The following SEMA3A variants were observed in gnomAD, a reference collection of about 807,000 sequenced individuals.
The protein encoded by SEMA3A is semaphorin-3A.
A neutral mutation model predicts 97.9 loss-of-function variants in SEMA3A; 29 were observed. That is an observed-to-expected ratio of 0.30 (90% CI 0.22 to 0.40). The LOEUF (loss-of-function observed/expected upper bound fraction) is 0.40. Among genes scored for constraint, SEMA3A ranks in the 10% least tolerant of loss-of-function variants. The pLI, the probability that SEMA3A is intolerant of heterozygous loss-of-function variation, is 1.00. For synonymous variants in SEMA3A, 321 were observed against 323.7 expected, an observed-to-expected ratio of 0.99 and a Z score of 0.09; for missense variants, 763 against 951.3, an observed-to-expected ratio of 0.80 and a Z score of 2.60.
Position 83,980,369 on chromosome 7 carries a change from G to A in SEMA3A, c.1652+952C>T, listed in dbSNP as rs570971264. On this transcript the variant is annotated intron_variant, in intron 14 of 16. Transcript: ENST00000265362. The stretch of plus-strand genomic sequence containing the variant: ...TGTAATCCCTGTAATCCCTCTCAAA[G>A]GCCAAGGCATGAGGATCACGAGGTT... Among the ~76,000 whole-genome samples, 5 of 151,812 alleles carry A rather than the reference G, an allele frequency of 3.3e-5. No homozygotes were observed. The East Asian group carries it at 9.7e-4, about 29-fold the overall frequency.
intron 15 of SEMA3A, among the ~76,000 whole-genome samples, chr7:83,976,880 G>T (rs903535656): frequency 6.6e-6 from 1 of 151,956 alleles, no homozygotes; most frequent in African/African-American, 2.4e-5. Flanking sequence ...ATATAAGAAA[G>T]TTGAGCTTTA....
intron 1 of SEMA3A, among the ~76,000 whole-genome samples, chr7:84,381,741 A>G (rs1251383064): frequency 6.6e-6 from 1 of 152,158 alleles, no homozygotes; most frequent in Non-Finnish European, 1.5e-5. Context: ...ATCTTGATAG[A>G]AGAGACTAAG....
intron 3 of SEMA3A, among the ~76,000 whole-genome samples, chr7:84,220,281 T>A (rs1410619438): frequency 2.6e-5 from 4 of 152,210 alleles, no homozygotes; most frequent in Admixed American, 1.3e-4. Flanking sequence ...GCTACATTTT[T>A]AATTCCAGTT....
intron 2 of SEMA3A, among the ~76,000 whole-genome samples, chr7:84,350,450 A>C (rs550825897): frequency 2.6e-5 from 4 of 152,242 alleles, no homozygotes; most frequent in Admixed American, 1.3e-4. Flanking sequence ...TAATAAGTTC[A>C]TTTTTATTAA....
intron 4 of SEMA3A, among the ~76,000 whole-genome samples, chr7:84,077,112 G>A (rs1260326309): frequency 1.3e-5 from 2 of 152,112 alleles, no homozygotes; most frequent in African/African-American, 4.8e-5. Context: ...TGGCTAGAAT[G>A]AGAAAGTCCA....
chr7:84,359,542 A>T (rs1802656909), intron 2 of SEMA3A, among the ~76,000 whole-genome samples: 1 of 152,160 alleles, frequency 6.6e-6, no homozygotes, highest in South Asian at 2.1e-4. Context: ...TCGGTTTGCC[A>T]GTATTTTATT....
chr7:84,106,528 T>C (rs1467485334), intron 4 of SEMA3A, among the ~76,000 whole-genome samples: 1 of 152,190 alleles, frequency 6.6e-6, no homozygotes, highest in Non-Finnish European at 1.5e-5. Flanking sequence ...AAACAACGCA[T>C]GACTGTATTG....
At position 84,289,557 on chromosome 7, in the gene SEMA3A, G is replaced by A. The variant is rs372386710; in HGVS notation, c.-83+17650C>T. Among the ~76,000 whole-genome samples, 188 of 152,034 alleles carry A rather than the reference G, an allele frequency of 1.2e-3. 5 individuals carry two copies. In the South Asian group the frequency reaches 0.038, roughly 31 times the overall value. On this transcript the variant is annotated intron_variant, in intron 3 of 3. Transcript: ENST00000424555. Reference sequence around the variant, plus strand: ...TGCACAAACACAAAATAAATGCAATGAAAACCACAATGAGAAACTACTTCA... The same window carrying A: ...TGCACAAACACAAAATAAATGCAATAAAAACCACAATGAGAAACTACTTCA...
chr7:84,213,437 C>T (rs895077536), intron 3 of SEMA3A, among the ~76,000 whole-genome samples: 1 of 152,156 alleles, frequency 6.6e-6, no homozygotes, highest in Non-Finnish European at 1.5e-5. Flanking sequence ...TACAACCACA[C>T]TCAGCTAATT....
At chr7:84,124,097 CTGGTTTACTG>C (rs1795716479) in intron 3 of SEMA3A, among the ~76,000 whole-genome samples, 2 of 152,218 alleles carry the variant, frequency 1.3e-5, no homozygotes, top group Admixed American at 1.3e-4. Context: ...GTCCTGGTTT[CTGGTTTACTG>C]TGTTGTCATA....
At chr7:84,082,434 T>C (rs1411850373) in intron 4 of SEMA3A, among the ~76,000 whole-genome samples, 1 of 152,092 alleles carries the variant, frequency 6.6e-6, no homozygotes, top group Non-Finnish European at 1.5e-5. Flanking sequence ...ATTTGATACA[T>C]TGTGAAGTCG....
chr7:84,319,432 C>G (rs1319055866), intron 2 of SEMA3A, among the ~76,000 whole-genome samples: 2 of 151,882 alleles, frequency 1.3e-5, no homozygotes, highest in Non-Finnish European at 2.9e-5. Context: ...TAGATTATAT[C>G]CAGGATTTAC....
intron 6 of SEMA3A, among the ~76,000 whole-genome samples, chr7:84,042,671 T>C (rs766806807): frequency 6.6e-6 from 1 of 152,122 alleles, no homozygotes; most frequent in African/African-American, 2.4e-5. Context: ...AGTACCTCTG[T>C]TCATTTTATT....
chr7:84,041,633 C>A (rs550285881), intron 6 of SEMA3A, among the ~76,000 whole-genome samples: 2 of 152,204 alleles, frequency 1.3e-5, no homozygotes, highest in African/African-American at 4.8e-5. Flanking sequence ...ACTACTTACT[C>A]ATAGAATACA....
intron 1 of SEMA3A, among the ~76,000 whole-genome samples, chr7:84,469,266 T>G (rs2116405789): frequency 6.6e-6 from 1 of 152,320 alleles, no homozygotes; most frequent in Admixed American, 6.5e-5. Context: ...CCCATTCAAC[T>G]GTAACCCTGT....
At position 84,045,971 on chromosome 7, in the gene SEMA3A, G is replaced by GAAA. The variant is rs199548362; in HGVS notation, c.667+350_667+352dup. ...CAAGGAAACAATAAGAGATGTAAAG[G>GAAA]AAAAAAAAAAACTACACTGTAAGAT... On this transcript the variant is annotated intron_variant, in intron 6 of 16. Transcript: ENST00000265362. Among the ~76,000 whole-genome samples the GAAA allele has an allele frequency of 4.0e-5, 6 of 148,366 alleles. No individual in the cohort carries two copies. In the South Asian group the frequency reaches 1.1e-3, roughly 26 times the overall value.
chr7:84,315,835 G>A (rs533639405), intron 2 of SEMA3A, among the ~76,000 whole-genome samples: 16 of 151,938 alleles, frequency 1.1e-4, no homozygotes, highest in Non-Finnish European at 2.2e-4. Context: ...AAATTCACTC[G>A]ATAATCTGAT....
chr7:84,166,306 G>A (rs1253729349), intron 1 of SEMA3A, among the ~76,000 whole-genome samples: 1 of 151,346 alleles, frequency 6.6e-6, no homozygotes, highest in Non-Finnish European at 1.5e-5. Flanking sequence ...GGGCGCAGTG[G>A]CTCACACCTG....
chr7:83,988,154 C>T (rs1423485818), intron 12 of SEMA3A, among the ~76,000 whole-genome samples: 1 of 150,172 alleles, frequency 6.7e-6, no homozygotes, highest in East Asian at 1.9e-4. Flanking sequence ...TGTTCCTTGC[C>T]CACTCCTTTC....
Sources: allele counts gnomAD v4.1 joint callset (sites outside exome capture counted in the v4.1 genomes callset), GRCh38; gene constraint gnomAD v4.1.1; transcripts MANE v1.5; gene names NCBI Gene and HGNC (gene_info 2026-07-23, HGNC 2026-07-21).